Variants in ZBED4 observed in about 807,000 individuals in gnomAD.
ZBED4 encodes zinc finger BED-type containing 4, also known as zinc finger BED domain-containing protein 4.
In ZBED4, 4 loss-of-function variants were observed where a neutral mutation model predicts 15.5. The observed-to-expected ratio is 0.26, with a 90% confidence interval of 0.13 to 0.59. The LOEUF is 0.59. Among genes scored for constraint, ZBED4 ranks in the 20% least tolerant of loss-of-function variants. The pLI is 0.90. For synonymous variants in ZBED4, 692 were observed against 608.5 expected (o/e 1.14, Z -2.02); for missense variants, 1,323 against 1,461.8 (o/e 0.91, Z 1.55).
At chr22:49,870,071 G>A (rs1182104260) in intron 1 of ZBED4, among the ~76,000 whole-genome samples, 2 of 152,158 alleles carry the variant, frequency 1.3e-5, no homozygotes, top group African/African-American at 2.4e-5. Flanking sequence ...GTGAGAACAT[G>A]TGGTATCCGG....
chr22:49,853,798 C>T (rs899009734), upstream of ZBED4: 2 of 146,368 alleles, frequency 1.4e-5, no homozygotes, highest in African/African-American at 4.9e-5. Flanking sequence ...ATCGGCCCCG[C>T]CCCCGGCCAG....
At chr22:49,871,714 T>C (rs1026753332) in intron 1 of ZBED4, among the ~76,000 whole-genome samples, 8 of 151,848 alleles carry the variant, frequency 5.3e-5, no homozygotes, top group Non-Finnish European at 8.8e-5. Flanking sequence ...AGAGTGCAGA[T>C]TGCTGAAGGG....
At chr22:49,870,576 G>T (rs1490781442) in intron 1 of ZBED4, among the ~76,000 whole-genome samples, 1 of 152,070 alleles carries the variant, frequency 6.6e-6, no homozygotes, top group African/African-American at 2.4e-5. Context: ...TCTGATGACT[G>T]TTGATGTCGA....
intron 1 of ZBED4, among the ~76,000 whole-genome samples, chr22:49,859,602 CGTA>C (rs2060288655): frequency 1.3e-5 from 2 of 152,298 alleles, no homozygotes; most frequent in African/African-American, 4.8e-5. Flanking sequence ...AGGCCATAGA[CGTA>C]GTCATTGTGC....
chr22:49,868,192 A>C (rs895946215), intron 1 of ZBED4, among the ~76,000 whole-genome samples: 1 of 152,244 alleles, frequency 6.6e-6, no homozygotes, highest in African/African-American at 2.4e-5. Context: ...TGTTGATAAC[A>C]TCAGAGGATT....
intron 1 of ZBED4, among the ~76,000 whole-genome samples, chr22:49,879,217 C>T (rs1483923648): frequency 6.6e-6 from 1 of 150,812 alleles, no homozygotes; most frequent in African/African-American, 2.4e-5. Context: ...TTGCGCCTCC[C>T]GGGTTCAAGC....
rs2060419880 is a variant in ZBED4 at position 49,883,472 on chromosome 22, C to T, written c.-191C>T. On this transcript the variant is annotated 5_prime_UTR_variant, in exon 2 of 2. Transcript: ENST00000216268. ...AGCAGGACTCTTGGAAAGCAGTGAT[C>T]TATGCTGTAAGACCATGAGTCACAG... 1.4e-6 allele frequency: 1 copy of T among 720,956 alleles called. No homozygotes were observed. Among genetic ancestry groups the T allele is most frequent in the East Asian group, 2.9e-5 (1 of 34,108 alleles). 44.7% of individuals were successfully genotyped at this position (720,956 alleles called of 1,614,324 possible).
intron 1 of ZBED4, among the ~76,000 whole-genome samples, chr22:49,880,477 C>T (rs2060403246): frequency 1.3e-5 from 2 of 152,260 alleles, no homozygotes; most frequent in African/African-American, 4.8e-5. Context: ...AGCCTGGAAG[C>T]CCCGCCGTGA....
In ZBED4 at chr22:49,884,696, G is replaced by T; in HGVS notation, c.1034G>T (p.Gly345Val). The change falls in exon 2 of 2, where the codon GGC becomes GTC. Residue 345 changes from glycine (G) to valine (V), a missense_variant. By Grantham distance (109) the Gly-to-Val change is moderately radical. This residue lies in a region of ZBED4 where 429 missense variants were observed against 397.9 expected (regional missense o/e 1.08). Transcript: ENST00000216268. ...GCCATCGTGTTGCAGGAGAACGGGG[G>T]CACGGGCATCCCGCCACTGTACTCC... is the stretch of plus-strand genomic sequence containing the variant. ...HRAIVLQENG[G>V]TGIPPLYSTP... is the part of the protein sequence containing the mutation. 1 of 1,600,656 alleles carries T rather than the reference G, an allele frequency of 6.2e-7. No homozygotes were observed. Among genetic ancestry groups the T allele is most frequent in the Non-Finnish European group, 8.5e-7 (1 of 1,172,814 alleles).
intron 1 of ZBED4, among the ~76,000 whole-genome samples, chr22:49,868,503 C>T (rs1338690757): frequency 6.6e-6 from 1 of 152,092 alleles, no homozygotes; most frequent in Admixed American, 6.6e-5. Context: ...TACTTGAGCT[C>T]ATGAGGCGGA....
At chr22:49,880,369 C>T (rs953210735) in intron 1 of ZBED4, among the ~76,000 whole-genome samples, 1 of 152,234 alleles carries the variant, frequency 6.6e-6, no homozygotes, top group Non-Finnish European at 1.5e-5. Flanking sequence ...CACGAGGAAC[C>T]TCCGCAGGTC....
intron 1 of ZBED4, among the ~76,000 whole-genome samples, chr22:49,874,488 C>T (rs1339260355): frequency 9.3e-5 from 14 of 150,700 alleles, no homozygotes; most frequent in African/African-American, 3.2e-4. Context: ...CAGGTTCAAG[C>T]GATTCTCCTG....
chr22:49,857,386 T>C (rs1239290545), intron 1 of ZBED4, among the ~76,000 whole-genome samples: 2 of 152,226 alleles, frequency 1.3e-5, no homozygotes, highest in Non-Finnish European at 2.9e-5. Context: ...ACAATCCACA[T>C]GACCCTGTCG....
chr22:49,882,463 A>G (rs1051887478), intron 1 of ZBED4, among the ~76,000 whole-genome samples: 1 of 152,166 alleles, frequency 6.6e-6, no homozygotes, highest in African/African-American at 2.4e-5. Flanking sequence ...TTTATTATAG[A>G]ATATTTATGC....
At chr22:49,869,120 T>TC (rs1168736096) in intron 1 of ZBED4, among the ~76,000 whole-genome samples, 6 of 110,374 alleles carry the variant, frequency 5.4e-5, no homozygotes, top group African/African-American at 2.8e-4. Context: ...CAAAACTGTC[T>TC]CAAAAAAAAA....
chr22:49,860,430 C>T (rs1277079860), intron 1 of ZBED4, among the ~76,000 whole-genome samples: 1 of 152,218 alleles, frequency 6.6e-6, no homozygotes, highest in African/African-American at 2.4e-5. Flanking sequence ...AATGTGCATA[C>T]AGTAGGTTGT....
At chr22:49,876,590 C>A (rs765959213) in intron 1 of ZBED4, among the ~76,000 whole-genome samples, 14 of 152,202 alleles carry the variant, frequency 9.2e-5, no homozygotes, top group African/African-American at 3.4e-4. Flanking sequence ...AGCTTTCTCT[C>A]GGTTTGTATT....
Position 49,860,800 on chromosome 22 carries a change from AC to A in ZBED4, c.-330+6812del, listed in dbSNP as rs1289460904. Reference sequence around the variant, plus strand: ...CAACCTTTTTTTTTTTTTTTTTGAGACAGAGTCTTGCTCTGTTGCCCAGGCT... The same window carrying A: ...CAACCTTTTTTTTTTTTTTTTTGAGAAGAGTCTTGCTCTGTTGCCCAGGCT... On this transcript the variant is annotated intron_variant, in intron 1 of 1. Coordinates refer to ENST00000216268, the MANE Select transcript of ZBED4 (RefSeq NM_014838.3). Among the ~76,000 whole-genome samples, 9 of 144,732 alleles carry A rather than the reference AC, an allele frequency of 6.2e-5. No individual in the cohort carries two copies. The South Asian group carries it at 1.7e-3, about 28-fold the overall frequency. The allele number at this position is 144,732 out of a possible 152,430, so 94.9% of individuals were successfully genotyped here.
At position 49,874,341 on chromosome 22, in the gene ZBED4, A is replaced by G. The variant is rs529778184; in HGVS notation, c.-329-8993A>G. ...GTTGGCAAATGTTTTTCTACATCGAATGACGTGCCCATATGGTTTTCCTCC... is the reference window on the plus strand; with the variant it reads ...GTTGGCAAATGTTTTTCTACATCGAGTGACGTGCCCATATGGTTTTCCTCC... On this transcript the variant is annotated intron_variant, in intron 1 of 1. Coordinates refer to ENST00000216268, the MANE Select transcript of ZBED4 (RefSeq NM_014838.3). Among the ~76,000 whole-genome samples the G allele has an allele frequency of 1.1e-3, 162 of 151,912 alleles. 1 individual carries two copies. The highest frequency in any genetic ancestry group is 2.2e-3 in the Non-Finnish European group (149 of 67,992).
Sources: allele counts gnomAD v4.1 joint callset (sites outside exome capture counted in the v4.1 genomes callset), GRCh38; gene constraint gnomAD v4.1.1; regional missense constraint gnomAD v4.1.1; transcripts MANE v1.5; gene names NCBI Gene and HGNC (gene_info 2026-07-23, HGNC 2026-07-21).